The following NCAM1 variants were observed in gnomAD, a reference collection of about 807,000 sequenced individuals.
NCAM1 encodes the protein antigen recognized by monoclonal antibody 5.1H11.
A neutral mutation model predicts 109.8 loss-of-function variants in NCAM1; 14 were observed. The observed-to-expected ratio is 0.13, with a 90% confidence interval of 0.08 to 0.20. NCAM1 has a LOEUF of 0.20. NCAM1 is among the 10% of genes least tolerant of loss of function. NCAM1 has a pLI of 1.00. For missense variants in NCAM1, 774 were observed against 1,109.9 expected (o/e 0.70, Z 4.30); for synonymous variants, 418 against 442.9 (o/e 0.94, Z 0.70).
intron 15 of NCAM1, among the ~76,000 whole-genome samples, chr11:113,251,719 C>G (rs1555121359): frequency 6.6e-6 from 1 of 152,166 alleles, no homozygotes; most frequent in Middle Eastern, 3.2e-3. Context: ...GCTGCTGAAT[C>G]GCAAACCAAC....
intron 1 of NCAM1, among the ~76,000 whole-genome samples, chr11:113,001,757 C>A (rs573305120): frequency 1.3e-5 from 2 of 152,040 alleles, no homozygotes; most frequent in Non-Finnish European, 2.9e-5. Flanking sequence ...AGAAATAGAA[C>A]TCAGACTGGC....
chr11:113,232,462 G>T (rs1459031290), intron 11 of NCAM1, 108 bp downstream of exon 11: 5 of 1,192,624 alleles, frequency 4.2e-6, no homozygotes, highest in Admixed American at 4.9e-5. Flanking sequence ...CACATCCTGA[G>T]CAGGGAAGGC....
chr11:113,148,516 G>A (rs1343138653), intron 1 of NCAM1, among the ~76,000 whole-genome samples: 6 of 152,076 alleles, frequency 3.9e-5, no homozygotes, highest in Admixed American at 3.9e-4. Context: ...ATGAAGCGCA[G>A]AACACCAAAC....
chr11:113,263,150 G>C, intron 17 of NCAM1: 1 of 1,205,654 alleles, frequency 8.3e-7, no homozygotes, highest in East Asian at 3.6e-5. Flanking sequence ...CCTTTTTAAT[G>C]GCAGTAAAAA....
chr11:113,121,561 C>G (rs1555096063), intron 1 of NCAM1, among the ~76,000 whole-genome samples: 1 of 86,418 alleles, frequency 1.2e-5, no homozygotes, highest in Non-Finnish European at 2.7e-5. Context: ...AAAAAAAAGG[C>G]ACTGTACTCC....
At chr11:113,066,504 T>G (rs1937965832) in intron 1 of NCAM1, among the ~76,000 whole-genome samples, 1 of 152,160 alleles carries the variant, frequency 6.6e-6, no homozygotes, top group South Asian at 2.1e-4. Flanking sequence ...AAAACCAGGC[T>G]TCAGGCCTCT....
intron 1 of NCAM1, among the ~76,000 whole-genome samples, chr11:112,966,609 C>T (rs1028972601): frequency 2.6e-5 from 4 of 152,216 alleles, no homozygotes; most frequent in African/African-American, 9.6e-5. Flanking sequence ...TGGGGCCAAA[C>T]CTTAAAACCA....
chr11:113,060,955 GTT>G, intron 1 of NCAM1, among the ~76,000 whole-genome samples: 1 of 152,308 alleles, frequency 6.6e-6, no homozygotes. Context: ...TCTTAGCAGA[GTT>G]TAAGTATATA....
intron 1 of NCAM1, among the ~76,000 whole-genome samples, chr11:113,075,964 A>C (rs1198597690): frequency 6.6e-6 from 1 of 152,212 alleles, no homozygotes; most frequent in Non-Finnish European, 1.5e-5. Context: ...GTAGAAATAA[A>C]GCTAAAATGG....
intron 1 of NCAM1, among the ~76,000 whole-genome samples, chr11:113,148,593 T>C (rs1261385555): frequency 3.3e-5 from 5 of 152,110 alleles, no homozygotes; most frequent in African/African-American, 1.2e-4. Flanking sequence ...AAATTTTTGT[T>C]AACGTTAGGT....
At chr11:113,169,126 A>G (rs1942908501) in intron 1 of NCAM1, among the ~76,000 whole-genome samples, 1 of 151,824 alleles carries the variant, frequency 6.6e-6, no homozygotes, top group Admixed American at 6.6e-5. Context: ...TGTAGAAGTA[A>G]CAGCCAGCTT....
intron 15 of NCAM1, among the ~76,000 whole-genome samples, chr11:113,253,319 A>G (rs1945743821): frequency 6.6e-6 from 1 of 152,138 alleles, no homozygotes; most frequent in Non-Finnish European, 1.5e-5. Flanking sequence ...AGAGATGTGA[A>G]ATTGTTGACC....
intron 14 of NCAM1, among the ~76,000 whole-genome samples, chr11:113,241,250 C>T (rs1555119082): frequency 6.6e-6 from 1 of 152,180 alleles, no homozygotes; most frequent in African/African-American, 2.4e-5. Flanking sequence ...TTTTAATTGG[C>T]ACAGTTGGAT....
intron 1 of NCAM1, among the ~76,000 whole-genome samples, chr11:113,078,286 CCTTTT>C (rs1211491492): frequency 3.9e-5 from 6 of 152,144 alleles, no homozygotes; most frequent in Non-Finnish European, 8.8e-5. Context: ...TCTCCCTTCC[CCTTTT>C]CTTTAAGGAC....
chr11:113,195,264 G>A (rs548389084), intron 1 of NCAM1, among the ~76,000 whole-genome samples: 2 of 152,218 alleles, frequency 1.3e-5, no homozygotes, highest in Admixed American at 1.3e-4. Context: ...GTCAAGTATA[G>A]ACAAGACTGC....
chr11:113,163,955 G>C (rs1363394565), intron 1 of NCAM1, among the ~76,000 whole-genome samples: 1 of 152,090 alleles, frequency 6.6e-6, no homozygotes, highest in East Asian at 1.9e-4. Flanking sequence ...GACAACTGTA[G>C]GACCCTACCC....
chr11:113,031,702 GA>G (rs1952725384), intron 1 of NCAM1, among the ~76,000 whole-genome samples: 1 of 151,388 alleles, frequency 6.6e-6, no homozygotes, highest in Non-Finnish European at 1.5e-5. Flanking sequence ...AAAAAGAAAA[GA>G]AAAAGAAAAA....
chr11:113,048,207 A>C (rs1341270953), intron 1 of NCAM1, among the ~76,000 whole-genome samples: 1 of 152,178 alleles, frequency 6.6e-6, no homozygotes, highest in East Asian at 1.9e-4. Flanking sequence ...GGAGGGAAAT[A>C]GACTATTTGG....
chr11:113,135,045 T>G (rs1272119488), intron 1 of NCAM1, among the ~76,000 whole-genome samples: 1 of 152,118 alleles, frequency 6.6e-6, no homozygotes, highest in Non-Finnish European at 1.5e-5. Context: ...GAGGTTCTGA[T>G]GGTGAAAAAG....
Sources: allele counts gnomAD v4.1 joint callset (sites outside exome capture counted in the v4.1 genomes callset), GRCh38; gene constraint gnomAD v4.1.1; transcripts MANE v1.5; gene names NCBI Gene and HGNC (gene_info 2026-07-23, HGNC 2026-07-21).